The following ATP2C2 variants were observed in gnomAD, a reference collection of about 807,000 sequenced individuals.
ATP2C2 encodes ATPase secretory pathway Ca2+ transporting 2.
A neutral mutation model predicts 110.8 loss-of-function variants in ATP2C2; 171 were observed. The observed-to-expected ratio is 1.54, with a 90% CI of 1.36 to 1.75. The LOEUF (loss-of-function observed/expected upper bound fraction) is 1.75, where lower values mean the gene tolerates loss of function less well. Among genes scored for constraint, ATP2C2 ranks in the 40% most tolerant of loss-of-function variants. ATP2C2 has a pLI of 0.00. For missense variants in ATP2C2, 1,963 were observed against 1,235.0 expected, an observed-to-expected ratio of 1.59 and a Z score of -8.84; for synonymous variants, 804 against 508.4, an observed-to-expected ratio of 1.58 and a Z score of -7.82.
At position 84,425,819 on chromosome 16, in the gene ATP2C2, G is replaced by A. The variant is rs752214256; in HGVS notation, c.986+18G>A. On this transcript the variant is annotated intron_variant, in intron 11 of 26. Coordinates refer to ENST00000262429, the MANE Select transcript of ATP2C2 (RefSeq NM_014861.4). ...GGGGTCAGGTAAGAGTGCTATGGCC[G>A]CCCCTTGCCTTGCCAGGGTGGTCAA... 1.2e-5 allele frequency: 20 copies of A among 1,613,342 alleles called. No individual in the cohort carries two copies. The highest frequency in any genetic ancestry group is 5.3e-5 in the African/African-American group (4 of 74,876).
At chr16:84,372,123 G>T (rs1041633420) in intron 1 of ATP2C2, among the ~76,000 whole-genome samples, 5 of 152,170 alleles carry the variant, frequency 3.3e-5, no homozygotes, top group African/African-American at 9.7e-5. Context: ...AGGGTCGTAC[G>T]GAGCCTTGTC....
chr16:84,449,955 C>T (rs766649246), intron 17 of ATP2C2, among the ~76,000 whole-genome samples: 4 of 152,236 alleles, frequency 2.6e-5, no homozygotes, highest in Non-Finnish European at 5.9e-5. Flanking sequence ...TGTGTGAGGC[C>T]ACGCCCTGAA....
At chr16:84,453,733 TAAA>T (rs745917869) in intron 20 of ATP2C2, among the ~76,000 whole-genome samples, 59 of 152,120 alleles carry the variant, frequency 3.9e-4, no homozygotes, top group Non-Finnish European at 8.1e-4. Context: ...GGGATAATTT[TAAA>T]GAAGATGGGA....
chr16:84,440,972 G>A lies in ATP2C2; in HGVS notation c.1311+14G>A, dbSNP rs756631948. 25 of 1,592,874 alleles carry A rather than the reference G, an allele frequency of 1.6e-5. No homozygotes were observed. The African/African-American group carries it at 3.2e-4, about 21-fold the overall frequency. On this transcript the variant is annotated intron_variant, in intron 14 of 26. Transcript: ENST00000262429. The stretch of plus-strand genomic sequence containing the variant: ...AAGTTAGTGGAGGTAGGTGTCAAAA[G>A]CGCCATGAGGGAAATAGGCATTTAC...
chr16:84,410,927 G>A (rs530432350), intron 6 of ATP2C2, 162 bp downstream of exon 6: 21 of 686,818 alleles, frequency 3.1e-5, no homozygotes, highest in East Asian at 8.2e-5. Flanking sequence ...CCAATAGGTC[G>A]CTGTGTGTCC....
At chr16:84,431,186 C>T (rs770663844) in intron 11 of ATP2C2, among the ~76,000 whole-genome samples, 17 of 151,962 alleles carry the variant, frequency 1.1e-4, no homozygotes, top group Non-Finnish European at 2.1e-4. Flanking sequence ...GAATAACTGC[C>T]GAGAAAGAGA....
At chr16:84,435,535 C>G (rs1471163200) in intron 11 of ATP2C2, among the ~76,000 whole-genome samples, 2 of 152,310 alleles carry the variant, frequency 1.3e-5, no homozygotes, top group East Asian at 1.9e-4. Flanking sequence ...AGGATAAAAA[C>G]AGCCACCTGG....
chr16:84,461,942 G>C (rs1911400075), intron 25 of ATP2C2, 46 bp from the exon 26 acceptor site: 1 of 1,608,976 alleles, frequency 6.2e-7, no homozygotes, highest in Non-Finnish European at 8.5e-7. Flanking sequence ...GCCTGTACCT[G>C]GGGTGTGGAC....
chr16:84,392,878 C>T (rs1340029510), intron 1 of ATP2C2, among the ~76,000 whole-genome samples: 1 of 152,188 alleles, frequency 6.6e-6, no homozygotes, highest in East Asian at 1.9e-4. Context: ...CTATTATCTC[C>T]AGTATTTCCT....
At chr16:84,425,300 T>C (rs919362505) in intron 10 of ATP2C2, among the ~76,000 whole-genome samples, 12 of 151,798 alleles carry the variant, frequency 7.9e-5, no homozygotes, top group African/African-American at 2.7e-4. Flanking sequence ...TGAAGGAAAA[T>C]GGAAATGGAG....
At chr16:84,391,856 T>C (rs752305465) in intron 1 of ATP2C2, among the ~76,000 whole-genome samples, 17 of 152,144 alleles carry the variant, frequency 1.1e-4, no homozygotes, top group African/African-American at 3.4e-4. Flanking sequence ...TGAAACTGTT[T>C]CCAAGTTCTT....
rs770966637 is a variant in ATP2C2 at position 84,448,495 on chromosome 16, C to T, written c.1504-38C>T. 7 of 1,584,070 alleles carry T rather than the reference C, an allele frequency of 4.4e-6. No homozygotes were observed. In the African/African-American group the frequency reaches 9.4e-5, roughly 21 times the overall value. On this transcript the variant is annotated intron_variant, in intron 16 of 26. Transcript: ENST00000262429. ...TGATGGTCAGTATGAACCAAGGCTT[C>T]CAGTGATAGTGGATTTCTTCCCTTT...
intron 11 of ATP2C2, chr16:84,438,919 C>G: frequency 4.8e-6 from 2 of 414,144 alleles, no homozygotes; most frequent in Middle Eastern, 6.7e-4. Flanking sequence ...CAGACTAATT[C>G]ACATTAAGGT....
chr16:84,405,214 C>T lies in ATP2C2; in HGVS notation c.297C>T (p.Ser99=), dbSNP rs545270710. The part of the protein sequence containing the change: ...HGWNEFVADN[S]EPVWKKYLDQ... ...GGAATGAGTTTGTTGCTGACAACAG[C>T]GAACCTGTGTGGAAGAAATACCTGG... is the stretch of plus-strand genomic sequence containing the variant. The change falls in exon 3 of 27, where the codon AGC becomes AGT. Residue 99 remains serine (S), a synonymous_variant. Transcript: ENST00000262429. 1.7e-5 allele frequency: 28 copies of T among 1,613,920 alleles called. 1 individual carries two copies. Among genetic ancestry groups the T allele is most frequent in the Middle Eastern group, 1.6e-4 (1 of 6,062 alleles).
intron 17 of ATP2C2, among the ~76,000 whole-genome samples, chr16:84,449,509 G>A (rs1048110801): frequency 5.3e-5 from 8 of 152,184 alleles, no homozygotes; most frequent in Non-Finnish European, 1.0e-4. Context: ...AGGAAGGCAG[G>A]AGAGCAGTGA....
chr16:84,404,631 G>A (rs1305858108), intron 2 of ATP2C2: 1 of 255,408 alleles, frequency 3.9e-6, no homozygotes, highest in Non-Finnish European at 7.7e-6. Flanking sequence ...CCTCCTTTTT[G>A]CTTTTGTGAA....
At chr16:84,435,718 C>T (rs540376857) in intron 11 of ATP2C2, among the ~76,000 whole-genome samples, 1 of 53,512 alleles carries the variant, frequency 1.9e-5, no homozygotes, top group South Asian at 6.8e-4. Flanking sequence ...TCCCGGCTAC[C>T]AGGGAGGCAG....
chr16:84,374,510 G>T (rs956559689), intron 1 of ATP2C2, among the ~76,000 whole-genome samples: 3 of 152,150 alleles, frequency 2.0e-5, no homozygotes, highest in Non-Finnish European at 4.4e-5. Context: ...CTGAGAATAC[G>T]TCTGAAGATG....
Position 84,464,034 on chromosome 16 carries a change from T to A in ATP2C2, c.*302T>A. Reference sequence around the variant, plus strand: ...CTAACTACGTATCTGTGCCACAGCTTGCAGTGAGGCAGGCCACTCGTGGCA... The same window carrying A: ...CTAACTACGTATCTGTGCCACAGCTAGCAGTGAGGCAGGCCACTCGTGGCA... On this transcript the variant is annotated 3_prime_UTR_variant, in exon 27 of 27. Transcript: ENST00000262429. 4.1e-6 allele frequency: 1 copy of A among 245,814 alleles called. No homozygotes were observed. Among genetic ancestry groups the A allele is most frequent in the African/African-American group, 2.2e-5 (1 of 44,924 alleles). 15.2% of individuals were successfully genotyped at this position (245,814 alleles called of 1,614,324 possible).
Sources: gnomAD v4.1 joint callset for allele counts (sites outside exome capture counted in the v4.1 genomes callset) on GRCh38, gnomAD v4.1.1 for gene constraint, MANE v1.5 for transcripts, NCBI Gene and HGNC (gene_info 2026-07-23, HGNC 2026-07-21) for gene names.